The following GLIS3 variants were observed in gnomAD, a reference collection of about 807,000 sequenced individuals.
GLIS3 encodes the protein GLIS family zinc finger 3.
GLIS3 carries 53 observed loss-of-function variants against 78.6 expected under a neutral mutation model. The ratio of observed to expected loss-of-function variants is 0.67; its 90% confidence interval spans 0.54 to 0.85. The LOEUF is 0.85. Ranked by LOEUF, GLIS3 falls within the 40% of genes least tolerant of loss-of-function variation. The pLI is 0.00. For missense variants in GLIS3, 1,703 were observed against 1,231.1 expected (o/e 1.38, Z -5.74); for synonymous variants, 684 against 509.9 (o/e 1.34, Z -4.60).
At chr9:4,488,543 GGGTTTCCCTCC>G in the GLIS3 span, among the ~76,000 whole-genome samples, 1 of 151,566 alleles carries the variant, frequency 6.6e-6, no homozygotes, top group Middle Eastern at 3.4e-3. Context: ...TTATGAGACA[GGGTTTCCCTCC>G]GGTCGCCCAG....
chr9:4,102,543 C>T (rs965826422), intron 4 of GLIS3, among the ~76,000 whole-genome samples: 4 of 152,106 alleles, frequency 2.6e-5, no homozygotes, highest in African/African-American at 7.2e-5. Context: ...GTGCTATCGG[C>T]ATCTGGTAGT....
chr9:4,222,146 C>T (rs1821379963), intron 2 of GLIS3, among the ~76,000 whole-genome samples: 2 of 152,210 alleles, frequency 1.3e-5, no homozygotes, highest in Admixed American at 1.3e-4. Context: ...CCACCAGGGT[C>T]AGTGAGATGA....
At chr9:4,045,422 AC>A (rs1825166274) in intron 4 of GLIS3, among the ~76,000 whole-genome samples, 1 of 150,260 alleles carries the variant, frequency 6.7e-6, no homozygotes, top group South Asian at 2.1e-4. Flanking sequence ...TGCATCCTCC[AC>A]CTCCCAGGTT....
chr9:4,292,077 A>G (rs1366902507), intron 1 of GLIS3, among the ~76,000 whole-genome samples: 1 of 152,158 alleles, frequency 6.6e-6, no homozygotes. Context: ...GATTTTTAAG[A>G]AAAACGTAAA....
chr9:4,027,863 G>A (rs2130231010), intron 4 of GLIS3, among the ~76,000 whole-genome samples: 1 of 152,252 alleles, frequency 6.6e-6, no homozygotes, highest in South Asian at 2.1e-4. Context: ...CCAGCTAATA[G>A]GCCATCAATC....
At chr9:4,415,949 T>C in the GLIS3 span, among the ~76,000 whole-genome samples, 1 of 151,684 alleles carries the variant, frequency 6.6e-6, no homozygotes, top group African/African-American at 2.4e-5. Flanking sequence ...TAACAATTCT[T>C]TGAATATATA....
In GLIS3 at chr9:3,961,073, G is replaced by T. The variant is rs138302839; in HGVS notation, c.1711-23884C>A. Among the ~76,000 whole-genome samples, 892 of 152,206 alleles carry T rather than the reference G, an allele frequency of 5.9e-3. 10 individuals are homozygous for T. The highest frequency in any genetic ancestry group is 0.02 in the African/African-American group (840 of 41,516). On this transcript the variant is annotated intron_variant, in intron 4 of 10. Coordinates refer to ENST00000381971, the MANE Select transcript of GLIS3 (RefSeq NM_001042413.2). ...CAGAGCCACAGACTTTTCTTCTTTGGGGTCATTAAGCTTGTCAAAACTAAT... is the reference window on the plus strand; with the variant it reads ...CAGAGCCACAGACTTTTCTTCTTTGTGGTCATTAAGCTTGTCAAAACTAAT...
At chr9:4,163,260 A>G (rs71509908) in intron 2 of GLIS3, among the ~76,000 whole-genome samples, 8 of 93,130 alleles carry the variant, frequency 8.6e-5, no homozygotes, top group Non-Finnish European at 1.6e-4. Flanking sequence ...ACACACACAC[A>G]CACACACACG....
upstream of GLIS3, among the ~76,000 whole-genome samples, chr9:4,301,718 G>A (rs1817081613): frequency 6.6e-6 from 1 of 152,134 alleles, no homozygotes; most frequent in African/African-American, 2.4e-5. Flanking sequence ...GGTATCCTAG[G>A]GGCTTGCAGA....
chr9:3,932,889 G>GA lies in GLIS3; in HGVS notation c.1873-420dup, dbSNP rs1352000848. ...AGGTAAAGAAGCTGTAGAAAGTCCA[G>GA]AAAAAAACTGGGTATTTTTCAGAAG... On this transcript the variant is annotated intron_variant, in intron 5 of 10. Transcript: ENST00000381971. The GA allele has an allele frequency of 1.8e-5, 6 of 326,704 alleles. No individual in the cohort carries two copies. In the East Asian group the frequency reaches 3.1e-4, roughly 17 times the overall value. 20.2% of individuals were successfully genotyped at this position (326,704 alleles called of 1,614,324 possible).
chr9:4,298,512 G>C, intron 1 of GLIS3: 1 of 434,616 alleles, frequency 2.3e-6, no homozygotes, highest in Non-Finnish European at 4.6e-6. Flanking sequence ...TCGGGGCAAG[G>C]TGTGTGTCTA....
chr9:4,433,947 T>C, the GLIS3 span, among the ~76,000 whole-genome samples: 2 of 152,068 alleles, frequency 1.3e-5, no homozygotes, highest in African/African-American at 4.8e-5. Context: ...ATACAAAAAA[T>C]TAGCTGGGCG....
At chr9:4,458,572 G>A in the GLIS3 span, among the ~76,000 whole-genome samples, 1 of 152,152 alleles carries the variant, frequency 6.6e-6, no homozygotes, top group African/African-American at 2.4e-5. Context: ...GGCAGGTCAT[G>A]AGGTTAGGAG....
At chr9:3,907,597 ACCCC>A (rs747018820) in intron 6 of GLIS3, among the ~76,000 whole-genome samples, 1,101 of 95,598 alleles carry the variant, frequency 0.012, 12 homozygotes, top group East Asian at 0.033. Context: ...AGCATCCTCC[ACCCC>A]CCAAACACAC....
chr9:4,263,835 A>G (rs1415911194), intron 2 of GLIS3, among the ~76,000 whole-genome samples: 1 of 151,940 alleles, frequency 6.6e-6, no homozygotes, highest in African/African-American at 2.4e-5. Context: ...TTTTCTTCCT[A>G]CCTCATTGCC....
chr9:4,330,500 G>C (rs190076249), intron 2 of GLIS3, among the ~76,000 whole-genome samples: 1 of 152,330 alleles, frequency 6.6e-6, no homozygotes, highest in Admixed American at 6.5e-5. Context: ...AGATCCCAGA[G>C]AAATTAAACA....
At chr9:4,462,019 A>G in the GLIS3 span, among the ~76,000 whole-genome samples, 453 of 152,352 alleles carry the variant, frequency 3.0e-3, 2 homozygotes, top group Middle Eastern at 0.01. Context: ...GGTACAGTTC[A>G]AAGGAATGGG....
rs1024213671 is a variant in GLIS3, at chr9:4,144,189, G to A, written c.389-18248C>T. 2.0e-5 allele frequency among the ~76,000 whole-genome samples: 3 copies of A among 152,146 alleles called. No individual in the cohort carries two copies. In the South Asian group the frequency reaches 6.2e-4, roughly 32 times the overall value. ...CATCTGACACCACAGCGCAAGGAAT[G>A]CTACTAACACCTCCGTCCAAAGGAG... is the stretch of plus-strand genomic sequence containing the variant. On this transcript the variant is annotated intron_variant, in intron 2 of 10. Coordinates refer to ENST00000381971, the MANE Select transcript of GLIS3 (RefSeq NM_001042413.2).
intron 2 of GLIS3, among the ~76,000 whole-genome samples, chr9:4,244,851 C>T (rs1823650881): frequency 6.6e-6 from 1 of 152,216 alleles, no homozygotes; most frequent in Non-Finnish European, 1.5e-5. Flanking sequence ...GCTGAGATTA[C>T]AGGTGTAAGC....
Sources: gnomAD v4.1 joint callset for allele counts (sites outside exome capture counted in the v4.1 genomes callset) on GRCh38, gnomAD v4.1.1 for gene constraint, MANE v1.5 for transcripts, NCBI Gene and HGNC (gene_info 2026-07-23, HGNC 2026-07-21) for gene names.